CNTN5: variants seen among roughly 807,000 people sequenced by gnomAD.
CNTN5 encodes contactin-5.
CNTN5 carries 77 observed loss-of-function variants against 129.1 expected under a neutral mutation model. The observed-to-expected ratio is 0.60, with a 90% CI of 0.50 to 0.72. CNTN5 has a LOEUF of 0.72. Ranked by LOEUF, CNTN5 falls within the 30% of genes least tolerant of loss-of-function variation. The pLI, the probability that CNTN5 is intolerant of heterozygous loss-of-function variation, is 0.00. For missense variants in CNTN5, 1,478 were observed against 1,328.8 expected, an observed-to-expected ratio of 1.11 and a Z score of -1.75; for synonymous variants, 509 against 465.6, an observed-to-expected ratio of 1.09 and a Z score of -1.20.
At chr11:100,297,763 T>C in intron 19 of CNTN5, 68 bp downstream of exon 19, 1 of 1,208,924 alleles carries the variant, frequency 8.3e-7, no homozygotes, top group Non-Finnish European at 1.2e-6. Flanking sequence ...TATTTAATTA[T>C]TTTATGATTA....
chr11:99,611,256 C>T (rs777834767), intron 3 of CNTN5, among the ~76,000 whole-genome samples: 27 of 152,116 alleles, frequency 1.8e-4, no homozygotes, highest in Non-Finnish European at 3.1e-4. Flanking sequence ...CAAAAGAATA[C>T]TCAGCTACAG....
chr11:99,504,529 C>CAAAAAAAA (rs754621021), intron 2 of CNTN5, among the ~76,000 whole-genome samples: 1 of 90,334 alleles, frequency 1.1e-5, no homozygotes, highest in African/African-American at 4.1e-5. Context: ...GACTCCGTCT[C>CAAAAAAAA]AAAAAAAAAA....
intron 8 of CNTN5, among the ~76,000 whole-genome samples, chr11:99,971,838 A>T (rs1192403283): frequency 2.0e-5 from 3 of 151,654 alleles, no homozygotes; most frequent in East Asian, 3.9e-4. Flanking sequence ...ATTTAATTTT[A>T]AAAAAATTTA....
intron 2 of CNTN5, among the ~76,000 whole-genome samples, chr11:99,342,571 CAAAAAAAA>C (rs58710723): frequency 8.2e-4 from 20 of 24,492 alleles, no homozygotes; most frequent in Admixed American, 3.2e-3. Context: ...CCCGTTATCT[CAAAAAAAA>C]AAAAAAAAAA....
intron 3 of CNTN5, among the ~76,000 whole-genome samples, chr11:99,705,072 T>A (rs1954696705): frequency 6.6e-6 from 1 of 151,416 alleles, no homozygotes; most frequent in African/African-American, 2.4e-5. Flanking sequence ...ATTAGCTGTA[T>A]CTTCCAATAT....
At chr11:100,326,161 G>C (rs375990931) in intron 21 of CNTN5, among the ~76,000 whole-genome samples, 89 of 152,206 alleles carry the variant, frequency 5.8e-4, no homozygotes, top group African/African-American at 2.0e-3. Flanking sequence ...ACAAACTTGA[G>C]AAATAATTGT....
intron 6 of CNTN5, among the ~76,000 whole-genome samples, chr11:99,909,800 G>A (rs1051470779): frequency 6.6e-5 from 10 of 151,860 alleles, no homozygotes; most frequent in East Asian, 1.9e-4. Flanking sequence ...ATCACACACC[G>A]GGGCCTGTTG....
At chr11:99,821,496 C>G (rs1428696293) in intron 4 of CNTN5, among the ~76,000 whole-genome samples, 1 of 152,056 alleles carries the variant, frequency 6.6e-6, no homozygotes, top group Non-Finnish European at 1.5e-5. Context: ...AGTAAAAGCA[C>G]AACTCTCTGA....
intron 1 of CNTN5, among the ~76,000 whole-genome samples, chr11:99,246,478 A>G (rs914045437): frequency 3.3e-5 from 5 of 152,142 alleles, no homozygotes; most frequent in Admixed American, 6.6e-5. Flanking sequence ...AGCCATCGTT[A>G]AATAGAATTT....
At chr11:99,405,371 C>A (rs1462860789) in intron 2 of CNTN5, among the ~76,000 whole-genome samples, 1 of 151,964 alleles carries the variant, frequency 6.6e-6, no homozygotes, top group African/African-American at 2.4e-5. Context: ...TTTCTAGATC[C>A]TATAGCTGTG....
At position 99,819,746 on chromosome 11, in the gene CNTN5, A is replaced by G. The variant is rs1255217705; in HGVS notation, c.258A>G (p.Ser86=). The G allele has an allele frequency of 5.7e-6, 9 of 1,582,634 alleles. No individual in the cohort carries two copies. The highest frequency in any genetic ancestry group is 6.9e-6 in the Non-Finnish European group (8 of 1,162,908). ...CCCCCATCAATCTTTATCATTCCTC[A>G]GATGCCTTCAAACAAGATGGTAAGT... is the stretch of plus-strand genomic sequence containing the variant. ...YYSPINLYHS[S]DAFKQDESVD... The change falls in exon 4 of 25, where the codon TCA becomes TCG. Residue 86 remains serine, a synonymous_variant. Coordinates refer to ENST00000524871, the MANE Select transcript of CNTN5 (RefSeq NM_014361.4).
chr11:99,457,344 T>C (rs1470123780), intron 2 of CNTN5, among the ~76,000 whole-genome samples: 2 of 151,880 alleles, frequency 1.3e-5, no homozygotes, highest in Admixed American at 1.3e-4. Flanking sequence ...GAAATAGATA[T>C]TATATTATGC....
At chr11:99,911,981 T>G (rs555330287) in intron 6 of CNTN5, among the ~76,000 whole-genome samples, 5 of 152,038 alleles carry the variant, frequency 3.3e-5, no homozygotes, top group Non-Finnish European at 7.4e-5. Flanking sequence ...CCTGCAGCCT[T>G]CTCACCATGC....
intron 1 of CNTN5, among the ~76,000 whole-genome samples, chr11:99,283,715 G>A (rs1480052747): frequency 6.6e-6 from 1 of 152,084 alleles, no homozygotes; most frequent in South Asian, 2.1e-4. Context: ...GAAACAAAAT[G>A]TGATCATATA....
At chr11:99,546,754 A>G (rs1410361934) in intron 2 of CNTN5, among the ~76,000 whole-genome samples, 1 of 152,088 alleles carries the variant, frequency 6.6e-6, no homozygotes. Flanking sequence ...TATGATCCTC[A>G]GGCTTGATCT....
At chr11:99,780,102 C>T (rs2583150) in intron 3 of CNTN5, among the ~76,000 whole-genome samples, 84,788 of 151,850 alleles carry the variant, frequency 0.56, 24,413 homozygotes, top group East Asian at 0.71. Context: ...GTTTTGGCAA[C>T]GTTGCCTCTT....
chr11:100,033,124 T>C (rs1941808388), intron 9 of CNTN5, among the ~76,000 whole-genome samples: 1 of 152,304 alleles, frequency 6.6e-6, no homozygotes, highest in East Asian at 1.9e-4. Flanking sequence ...ATCTCCACTT[T>C]TGACAGAATA....
chr11:99,495,429 G>C (rs927509715), intron 2 of CNTN5, among the ~76,000 whole-genome samples: 2 of 152,114 alleles, frequency 1.3e-5, no homozygotes, highest in Non-Finnish European at 2.9e-5. Flanking sequence ...CATTTGCCGT[G>C]TACATATCTT....
chr11:99,129,869 C>T (rs897382625), intron 1 of CNTN5, among the ~76,000 whole-genome samples: 4 of 152,122 alleles, frequency 2.6e-5, no homozygotes, highest in Admixed American at 6.5e-5. Context: ...AACTAAGCTT[C>T]GTAAGTGAAG....
Sources: gnomAD v4.1 joint callset for allele counts (sites outside exome capture counted in the v4.1 genomes callset) on GRCh38, gnomAD v4.1.1 for gene constraint, MANE v1.5 for transcripts, NCBI Gene and HGNC (gene_info 2026-07-23, HGNC 2026-07-21) for gene names.